The following ALK variants were observed in gnomAD, a reference collection of about 807,000 sequenced individuals.
ALK encodes the protein ALK receptor tyrosine kinase.
ALK carries 74 observed loss-of-function variants against 163.1 expected under a neutral mutation model. That is an observed-to-expected ratio of 0.45 (90% CI 0.38 to 0.55). ALK has a LOEUF of 0.55. Ranked by LOEUF, ALK falls within the 20% of genes least tolerant of loss-of-function variation. The pLI, the probability that ALK is intolerant of heterozygous loss-of-function variation, is 0.00. For synonymous variants in ALK, 960 were observed against 843.2 expected, an observed-to-expected ratio of 1.14 and a Z score of -2.40; for missense variants, 2,063 against 2,105.3, an observed-to-expected ratio of 0.98 and a Z score of 0.39.
intron 1 of ALK, among the ~76,000 whole-genome samples, chr2:29,763,921 A>G (rs148374538): frequency 6.6e-6 from 1 of 152,184 alleles, no homozygotes; most frequent in East Asian, 1.9e-4. Flanking sequence ...CCCCACACCA[A>G]CTTTCAGGGA....
At position 29,815,970 on chromosome 2, in the gene ALK, C is replaced by T. The variant is rs753437138; in HGVS notation, c.668-98273G>A. 1.2e-4 allele frequency among the ~76,000 whole-genome samples: 19 copies of T among 152,266 alleles called. No homozygotes were observed. The South Asian group carries it at 2.1e-3, about 17-fold the overall frequency. ...CAGGGAAGAATGAGAAACACAAGAC[C>T]GGGAAGCAAGTGAATTAGGGCCACA... On this transcript the variant is annotated intron_variant, in intron 1 of 28. Transcript: ENST00000389048.
intron 12 of ALK, among the ~76,000 whole-genome samples, chr2:29,245,660 TG>T (rs1216822448): frequency 1.5e-5 from 2 of 137,292 alleles, no homozygotes; most frequent in African/African-American, 5.7e-5. Flanking sequence ...AGGGGCTCCA[TG>T]GCTCAGTGCC....
At chr2:29,312,955 AC>A in intron 8 of ALK, among the ~76,000 whole-genome samples, 1 of 152,208 alleles carries the variant, frequency 6.6e-6, no homozygotes, top group African/African-American at 2.4e-5. Flanking sequence ...GTCCCCAAAT[AC>A]CTGACCAAAG....
Position 29,197,139 on chromosome 2 carries a change from C to A in ALK, c.4074-279G>T, listed in dbSNP as rs145976429. 4.1e-3 allele frequency among the ~76,000 whole-genome samples: 628 copies of A among 152,276 alleles called. 7 individuals are homozygous for A. Among genetic ancestry groups the A allele is most frequent in the African/African-American group, 0.014 (589 of 41,544 alleles). On this transcript the variant is annotated intron_variant, in intron 27 of 28. Coordinates refer to ENST00000389048, the MANE Select transcript of ALK (RefSeq NM_004304.5). ...GGACAGAATATTCCAATTATATTTC[C>A]CATCCACGTTGCTTGTGGGAAGGAA...
At chr2:29,493,340 C>T (rs1671947966) in intron 4 of ALK, among the ~76,000 whole-genome samples, 1 of 152,212 alleles carries the variant, frequency 6.6e-6, no homozygotes, top group African/African-American at 2.4e-5. Flanking sequence ...AATTTCGCCT[C>T]ATCCCCAAAC....
chr2:29,247,020 G>A (rs1034498462), intron 12 of ALK, among the ~76,000 whole-genome samples: 2 of 152,180 alleles, frequency 1.3e-5, no homozygotes, highest in South Asian at 4.1e-4. Flanking sequence ...CTGGCCACCC[G>A]CTTTTTTGTA....
chr2:29,310,025 C>T (rs771740659), intron 8 of ALK, among the ~76,000 whole-genome samples: 12 of 152,176 alleles, frequency 7.9e-5, no homozygotes, highest in Admixed American at 3.3e-4. Flanking sequence ...TTCCTCTGAT[C>T]CTGGTAACAA....
intron 5 of ALK, among the ~76,000 whole-genome samples, chr2:29,346,445 C>T (rs1360670008): frequency 6.6e-6 from 1 of 152,220 alleles, no homozygotes; most frequent in Non-Finnish European, 1.5e-5. Context: ...GATGGGGAGA[C>T]AGACCTTACC....
chr2:29,724,792 T>C (rs1679523295), intron 1 of ALK, among the ~76,000 whole-genome samples: 2 of 152,260 alleles, frequency 1.3e-5, no homozygotes, highest in African/African-American at 4.8e-5. Flanking sequence ...GAGCTATTAG[T>C]GTCAAGGGCG....
intron 1 of ALK, among the ~76,000 whole-genome samples, chr2:29,768,743 G>GTGTGTGTGTGTGTATA (rs373708982): frequency 3.3e-5 from 5 of 150,568 alleles, no homozygotes; most frequent in African/African-American, 1.2e-4. Context: ...GTGTGTGTGT[G>GTGTGTGTGTGTGTATA]TATATATGTA....
intron 3 of ALK, among the ~76,000 whole-genome samples, chr2:29,688,825 G>A (rs768291445): frequency 6.6e-6 from 1 of 152,174 alleles, no homozygotes; most frequent in Non-Finnish European, 1.5e-5. Flanking sequence ...GCTAAAGGTT[G>A]TTCCTACAGA....
chr2:29,754,960 G>A (rs1680472294), intron 1 of ALK, among the ~76,000 whole-genome samples: 1 of 152,282 alleles, frequency 6.6e-6, no homozygotes, highest in South Asian at 2.1e-4. Flanking sequence ...GCATGGATGT[G>A]CAGATGGGAA....
chr2:29,435,599 T>C (rs1367648418), intron 4 of ALK, among the ~76,000 whole-genome samples: 2 of 151,866 alleles, frequency 1.3e-5, no homozygotes, highest in Non-Finnish European at 2.9e-5. Context: ...TGGGAAAATT[T>C]TATGAAGTCA....
At chr2:29,743,937 C>T (rs1247589777) in intron 1 of ALK, among the ~76,000 whole-genome samples, 9 of 147,504 alleles carry the variant, frequency 6.1e-5, no homozygotes, top group Non-Finnish European at 1.2e-4. Context: ...TAAAATCTCC[C>T]TCTGAAATAA....
At chr2:29,677,222 C>T (rs1292355766) in intron 3 of ALK, among the ~76,000 whole-genome samples, 1 of 143,500 alleles carries the variant, frequency 7.0e-6, no homozygotes, top group Non-Finnish European at 1.5e-5. Flanking sequence ...CCTTCCCTCC[C>T]TTCTTCCTTC....
In ALK at chr2:29,747,806, T is replaced by C. The variant is rs111466804; in HGVS notation, c.668-30109A>G. Among the ~76,000 whole-genome samples the C allele has an allele frequency of 7.8e-3, 1,187 of 152,240 alleles. 11 individuals are homozygous for C. Among genetic ancestry groups the C allele is most frequent in the Non-Finnish European group, 0.012 (833 of 68,008 alleles). ...TTTCATCTGCTTTTGATGCCTAAAG[T>C]TCCTTTGATGGAAGTCTAGAGCCTG... On this transcript the variant is annotated intron_variant, in intron 1 of 28. Coordinates refer to ENST00000389048, the MANE Select transcript of ALK (RefSeq NM_004304.5).
At chr2:29,311,876 G>A (rs1432296946) in intron 8 of ALK, among the ~76,000 whole-genome samples, 1 of 152,152 alleles carries the variant, frequency 6.6e-6, no homozygotes, top group Non-Finnish European at 1.5e-5. Flanking sequence ...TTCTGTGTAG[G>A]TGTCTGCTGA....
At chr2:29,328,565 G>C in intron 5 of ALK, 84 bp from the exon 6 acceptor site, 7 of 1,564,786 alleles carry the variant, frequency 4.5e-6, no homozygotes, top group Non-Finnish European at 6.2e-6. Flanking sequence ...CCCATGGGCA[G>C]GCTGCAGGGA....
At chr2:29,869,442 CAGA>C (rs1459365702) in intron 1 of ALK, among the ~76,000 whole-genome samples, 28 of 151,988 alleles carry the variant, frequency 1.8e-4, no homozygotes, top group African/African-American at 5.8e-4. Flanking sequence ...CAGAGATCAG[CAGA>C]AAAGAATAAA....
Sources: gnomAD v4.1 joint callset for allele counts (sites outside exome capture counted in the v4.1 genomes callset) on GRCh38, gnomAD v4.1.1 for gene constraint, MANE v1.5 for transcripts, NCBI Gene and HGNC (gene_info 2026-07-23, HGNC 2026-07-21) for gene names.